FAT1: variants seen among roughly 807,000 people sequenced by gnomAD.
FAT1 encodes FAT atypical cadherin 1, also known as protocadherin Fat 1.
In FAT1, 171 loss-of-function variants were observed where a neutral mutation model predicts 329.8. The ratio of observed to expected loss-of-function variants is 0.52; its 90% CI spans 0.46 to 0.59. FAT1 has a LOEUF of 0.59. Among genes scored for constraint, FAT1 ranks in the 20% least tolerant of loss-of-function variants. FAT1 has a pLI of 0.00. For synonymous variants in FAT1, 2,233 were observed against 2,228.6 expected (o/e 1.00, Z -0.06); for missense variants, 5,672 against 5,774.4 (o/e 0.98, Z 0.57).
In FAT1 at chr4:186,604,407, C is replaced by T. The variant is rs768988992; in HGVS notation, c.10518G>A (p.Lys3506=). 4 of 1,613,680 alleles carry T rather than the reference C, an allele frequency of 2.5e-6. No homozygotes were observed. The South Asian group carries it at 4.4e-5, about 18-fold the overall frequency. ...VLLTSSAIKR[K]EKDHYLLQVK... ...CCTGCAGTAAGTAATGATCTTTCTCCTTCCTCTTGATGGCAGATGATGTCA... is the reference window on the plus strand; with the variant it reads ...CCTGCAGTAAGTAATGATCTTTCTCTTTCCTCTTGATGGCAGATGATGTCA... The change falls in exon 18 of 27, where the codon AAG becomes AAA. Residue 3506 remains lysine, a synonymous_variant. Transcript: ENST00000441802.
At chr4:186,661,580 C>A (rs1248635560) in intron 3 of FAT1, among the ~76,000 whole-genome samples, 1 of 152,212 alleles carries the variant, frequency 6.6e-6, no homozygotes, top group Non-Finnish European at 1.5e-5. Context: ...TCTACCGGGA[C>A]AGAAATGCCT....
At chr4:186,675,609 A>G (rs769467113) in intron 2 of FAT1, among the ~76,000 whole-genome samples, 5 of 151,992 alleles carry the variant, frequency 3.3e-5, no homozygotes, top group African/African-American at 4.8e-5. Context: ...TCTACTAAAA[A>G]TACAAAAAAT....
intron 3 of FAT1, among the ~76,000 whole-genome samples, chr4:186,653,522 A>G (rs1368905342): frequency 6.6e-6 from 1 of 152,212 alleles, no homozygotes; most frequent in African/African-American, 2.4e-5. Context: ...TAATTTTAAA[A>G]ATCAGCAATC....
At chr4:186,635,402 CAAAT>C (rs747748521) in intron 6 of FAT1, among the ~76,000 whole-genome samples, 9 of 152,166 alleles carry the variant, frequency 5.9e-5, no homozygotes, top group Admixed American at 1.3e-4. Context: ...AACTACATGA[CAAAT>C]AAGAAGAAGA....
At chr4:186,616,973 T>C (rs1447434356) in intron 11 of FAT1, 32 bp downstream of exon 11, 2 of 1,577,026 alleles carry the variant, frequency 1.3e-6, no homozygotes, top group Middle Eastern at 1.7e-4. Flanking sequence ...TTGAAATTCA[T>C]AACACACAAA....
chr4:186,657,198 AT>A (rs1343462021), intron 3 of FAT1, among the ~76,000 whole-genome samples: 1 of 152,212 alleles, frequency 6.6e-6, no homozygotes, highest in African/African-American at 2.4e-5. Flanking sequence ...TTCACAGCGG[AT>A]TTACAAACTG....
intron 21 of FAT1, 50 bp from the exon 22 acceptor site, chr4:186,600,410 G>A (rs1412075163): frequency 1.4e-6 from 2 of 1,463,568 alleles, no homozygotes; most frequent in African/African-American, 2.8e-5. Context: ...AACCTTCAAT[G>A]AGAGCACCTG....
In FAT1 at chr4:186,633,668, T is replaced by C; in HGVS notation, c.4323+16A>G. On this transcript the variant is annotated intron_variant, in intron 7 of 26. Coordinates refer to ENST00000441802, the MANE Select transcript of FAT1 (RefSeq NM_005245.4). ...CCATCCTCCTCTGACAAGTGTGTCA[T>C]TAGTAATTCACTTACCTGAGTGAGG... is the stretch of plus-strand genomic sequence containing the variant. The C allele has an allele frequency of 1.2e-6, 2 of 1,613,742 alleles. No homozygotes were observed. The highest frequency in any genetic ancestry group is 8.5e-7 in the Non-Finnish European group (1 of 1,179,720).
At chr4:186,644,613 C>A (rs1741270672) in intron 3 of FAT1, among the ~76,000 whole-genome samples, 1 of 152,196 alleles carries the variant, frequency 6.6e-6, no homozygotes, top group Admixed American at 6.5e-5. Flanking sequence ...CATGGCCTTT[C>A]AACGCCACTT....
intron 6 of FAT1, among the ~76,000 whole-genome samples, chr4:186,634,631 A>G (rs1480879067): frequency 6.6e-6 from 1 of 151,948 alleles, no homozygotes; most frequent in Non-Finnish European, 1.5e-5. Context: ...ACAGCGATGG[A>G]AGATAGTCAC....
At chr4:186,604,004 C>T (rs776663044) in intron 18 of FAT1, 27 bp from the exon 19 acceptor site, 10 of 1,549,424 alleles carry the variant, frequency 6.5e-6, no homozygotes, top group African/African-American at 2.7e-5. Context: ...ATAAAATCAC[C>T]TTTGTCTATG....
chr4:186,629,207 C>G (rs533984447), intron 7 of FAT1, among the ~76,000 whole-genome samples: 2 of 152,246 alleles, frequency 1.3e-5, no homozygotes, highest in South Asian at 2.1e-4. Context: ...ATCCAAATTT[C>G]TCATTCTCAT....
At chr4:186,590,642 T>A (rs746743248) in intron 26 of FAT1, 1 of 456,412 alleles carries the variant, frequency 2.2e-6, no homozygotes, top group South Asian at 1.5e-5. Context: ...AACCAGAAAT[T>A]TGGCCAGAAA....
intron 3 of FAT1, 70 bp downstream of exon 3, chr4:186,663,229 T>C: frequency 8.7e-7 from 1 of 1,153,688 alleles, no homozygotes; most frequent in East Asian, 2.5e-5. Context: ...AGATAAATGC[T>C]AATTCTTACT....
At chr4:186,703,310 G>A (rs910312581) in intron 2 of FAT1, among the ~76,000 whole-genome samples, 1 of 152,196 alleles carries the variant, frequency 6.6e-6, no homozygotes, top group African/African-American at 2.4e-5. Context: ...GTAGTCCATA[G>A]AATTTCTACT....
chr4:186,709,878 G>T (rs1744873996), intron 1 of FAT1, 33 bp from the exon 2 acceptor site: 2 of 1,519,142 alleles, frequency 1.3e-6, no homozygotes, highest in South Asian at 2.5e-5. Context: ...CGTTACCTTG[G>T]GGAAATAAAA....
chr4:186,658,698 G>A (rs1053200914), intron 3 of FAT1, among the ~76,000 whole-genome samples: 3 of 151,966 alleles, frequency 2.0e-5, no homozygotes, highest in Non-Finnish European at 4.4e-5. Context: ...AATTGTCGCC[G>A]ACATGAAAAC....
Position 186,597,162 on chromosome 4 carries a change from A to G in FAT1, c.12378T>C (p.Ser4126=). 2 of 1,603,502 alleles carry G rather than the reference A, an allele frequency of 1.2e-6. No individual in the cohort carries two copies. Among genetic ancestry groups the G allele is most frequent in the Non-Finnish European group, 1.7e-6 (2 of 1,174,520 alleles). Residue 4126 remains serine (S), a synonymous_variant, in exon 25 of 27, where the codon AGT becomes AGC. Transcript: ENST00000441802. ...DSGFRGERCQ[S]DIDECSGNPC... is the part of the protein sequence containing the mutation. ...GGTTTCCAGAGCACTCGTCGATATC[A>G]CTCTGACACCTGCCAAGGAAGTCAG...
intron 20 of FAT1, 149 bp from the exon 21 acceptor site, chr4:186,601,575 T>A (rs2126419300): frequency 1.8e-6 from 1 of 547,066 alleles, no homozygotes; most frequent in South Asian, 4.8e-5. Flanking sequence ...AAACGTCTAT[T>A]TGCTTAATGA....
Sources: allele counts gnomAD v4.1 joint callset (sites outside exome capture counted in the v4.1 genomes callset), GRCh38; gene constraint gnomAD v4.1.1; transcripts MANE v1.5; gene names NCBI Gene and HGNC (gene_info 2026-07-23, HGNC 2026-07-21).